CPSF2: variants seen among roughly 807,000 people sequenced by gnomAD.
CPSF2 encodes cleavage and polyadenylation specificity factor subunit 2.
In CPSF2, 51 loss-of-function variants were observed where a neutral mutation model predicts 84.2. That is an observed-to-expected ratio of 0.61 (90% confidence interval 0.48 to 0.77). The LOEUF (loss-of-function observed/expected upper bound fraction) is 0.77, where lower values mean the gene tolerates loss of function less well. CPSF2 is among the 30% of genes least tolerant of loss of function. CPSF2 has a pLI of 0.00. For missense variants in CPSF2, 641 were observed against 929.4 expected, an observed-to-expected ratio of 0.69 and a Z score of 4.03; for synonymous variants, 286 against 311.9, an observed-to-expected ratio of 0.92 and a Z score of 0.87.
rs936559919 is a variant in CPSF2 at position 92,166,323 on chromosome 14, T to C, written c.*4579T>C. On this transcript the variant is annotated 3_prime_UTR_variant, in exon 16 of 16. Coordinates refer to ENST00000298875, the MANE Select transcript of CPSF2 (RefSeq NM_017437.3). ...GTTTAGGCTCTTATCATTAGGTCTT[T>C]CATTTATTTTGAATTATTATCATTA... 6.6e-6 allele frequency: 1 copy of C among 152,106 alleles called. No homozygotes were observed. The highest frequency in any genetic ancestry group is 1.5e-5 in the Non-Finnish European group (1 of 68,028). The allele number at this position is 152,106 out of a possible 1,614,324, so 9.4% of individuals were successfully genotyped here.
chr14:92,140,913 CAACA>C (rs1595057620), intron 7 of CPSF2, among the ~76,000 whole-genome samples: 3 of 151,766 alleles, frequency 2.0e-5, no homozygotes, highest in Admixed American at 6.6e-5. Flanking sequence ...GACCCTGTCT[CAACA>C]AACAAACAAA....
At chr14:92,142,906 G>A (rs542878494) in intron 8 of CPSF2, 98 bp from the exon 9 acceptor site, 1 of 1,042,516 alleles carries the variant, frequency 9.6e-7, no homozygotes, top group Admixed American at 2.4e-5. Context: ...GCAACCAGTG[G>A]GGGTAAAAGA....
intron 9 of CPSF2, among the ~76,000 whole-genome samples, chr14:92,146,443 C>T (rs903101966): frequency 2.0e-5 from 3 of 152,166 alleles, no homozygotes; most frequent in Admixed American, 6.5e-5. Context: ...ATCGCTTGAA[C>T]CTGAGAGGTG....
At chr14:92,147,141 C>A (rs992458685) in intron 9 of CPSF2, among the ~76,000 whole-genome samples, 1 of 152,000 alleles carries the variant, frequency 6.6e-6, no homozygotes, top group African/African-American at 2.4e-5. Context: ...TTTTGGTATC[C>A]CTAGCACCCA....
At chr14:92,146,248 G>T (rs989170059) in intron 9 of CPSF2, among the ~76,000 whole-genome samples, 1 of 152,234 alleles carries the variant, frequency 6.6e-6, no homozygotes, top group Non-Finnish European at 1.5e-5. Flanking sequence ...AGGGCTGGGC[G>T]TGGTGGCTCA....
intron 9 of CPSF2, among the ~76,000 whole-genome samples, chr14:92,143,952 C>T (rs977459123): frequency 1.2e-4 from 18 of 152,120 alleles, no homozygotes; most frequent in African/African-American, 1.7e-4. Context: ...TAATTTAAAT[C>T]AGACTCTTTC....
rs539663614 is a variant in CPSF2 at position 92,162,506 on chromosome 14, G to C, written c.*762G>C. ...TTAGAAACATCTTAGCCGTAAGTTA[G>C]GTCCTGTGTTAAACTGTTTAGTGCT... On this transcript the variant is annotated 3_prime_UTR_variant, in exon 16 of 16. Transcript: ENST00000298875. The C allele has an allele frequency of 6.6e-6, 1 of 152,378 alleles. No individual in the cohort carries two copies. The highest frequency in any genetic ancestry group is 1.5e-5 in the Non-Finnish European group (1 of 68,014). The allele number at this position is 152,378 out of a possible 1,614,324, so 9.4% of individuals were successfully genotyped here. A position where few individuals can be genotyped will look rare whatever the true frequency, so the allele number is the denominator to read the frequency against.
In CPSF2 at chr14:92,133,942, A is replaced by C. The variant is rs371125586; in HGVS notation, c.150-69A>C. 1.3e-5 allele frequency: 19 copies of C among 1,518,854 alleles called. No homozygotes were observed. In the African/African-American group the frequency reaches 2.1e-4, roughly 16 times the overall value. 94.1% of individuals were successfully genotyped at this position (1,518,854 alleles called of 1,614,324 possible). A position where few individuals can be genotyped will look rare whatever the true frequency, so the allele number is the denominator to read the frequency against. ...AGTCTTCAATCCAGAATTGGTGAAT[A>C]ATTTTGAATATTCTGTCTTTACCCT... On this transcript the variant is annotated intron_variant, in intron 3 of 15. Transcript: ENST00000298875.
At chr14:92,143,549 A>G (rs972310950) in intron 9 of CPSF2, among the ~76,000 whole-genome samples, 2 of 152,088 alleles carry the variant, frequency 1.3e-5, no homozygotes, top group Non-Finnish European at 2.9e-5. Flanking sequence ...TCTCTTAAAA[A>G]AAAACTACTG....
chr14:92,137,501 A>T (rs1452311216), intron 6 of CPSF2, among the ~76,000 whole-genome samples: 1 of 152,186 alleles, frequency 6.6e-6, no homozygotes, highest in Non-Finnish European at 1.5e-5. Context: ...GAGCCACTGC[A>T]CTAGTCCAAA....
intron 9 of CPSF2, among the ~76,000 whole-genome samples, chr14:92,150,385 G>A (rs1367863949): frequency 1.3e-5 from 2 of 151,592 alleles, no homozygotes; most frequent in African/African-American, 4.8e-5. Context: ...GCCTCCCAAA[G>A]TGTTGGGATT....
At chr14:92,148,748 G>A (rs2069173839) in intron 9 of CPSF2, among the ~76,000 whole-genome samples, 1 of 148,660 alleles carries the variant, frequency 6.7e-6, no homozygotes, top group Non-Finnish European at 1.5e-5. Flanking sequence ...GGCAAGCCTG[G>A]GCGATATAGC....
At chr14:92,123,133 ATTT>A (rs2141444872) in intron 1 of CPSF2, among the ~76,000 whole-genome samples, 1 of 152,022 alleles carries the variant, frequency 6.6e-6, no homozygotes, top group African/African-American at 2.4e-5. Context: ...CACGGTAATT[ATTT>A]TTTATTTTTG....
intron 7 of CPSF2, among the ~76,000 whole-genome samples, chr14:92,139,071 C>CAT (rs1443522843): frequency 6.6e-6 from 1 of 152,130 alleles, no homozygotes; most frequent in Admixed American, 6.6e-5. Flanking sequence ...CACTCACTGG[C>CAT]ATATGTCTGT....
rs944349696 is a variant in CPSF2, at chr14:92,165,047, G to C, written c.*3303G>C. 6.6e-6 allele frequency: 1 copy of C among 152,096 alleles called. No individual in the cohort carries two copies. The highest frequency in any genetic ancestry group is 2.4e-5 in the African/African-American group (1 of 41,404). 9.4% of individuals were successfully genotyped at this position (152,096 alleles called of 1,614,324 possible). A position where few individuals can be genotyped will look rare whatever the true frequency, so the allele number is the denominator to read the frequency against. ...ATACAATATATGAACTTTTATGTTT[G>C]ACTTCTTTCACTTAGCATAATGTTT... On this transcript the variant is annotated 3_prime_UTR_variant, in exon 16 of 16. Coordinates refer to ENST00000298875, the MANE Select transcript of CPSF2 (RefSeq NM_017437.3).
At chr14:92,142,619 G>A (rs898811182) in intron 8 of CPSF2, among the ~76,000 whole-genome samples, 1 of 152,126 alleles carries the variant, frequency 6.6e-6, no homozygotes, top group Non-Finnish European at 1.5e-5. Context: ...ATCCCAGTCT[G>A]TAAAATGGGG....
rs2069305943 is a variant in CPSF2, at chr14:92,157,535, T to C, written c.1596-124T>C. ...AAAATAAAAACAAAAATAAAATAAA[T>C]CATACAGATACTATAACATGTGTAT... On this transcript the variant is annotated intron_variant, in intron 12 of 15. Transcript: ENST00000298875. This position sits in a 1 kb window ranked among gnomAD's most constrained non-coding sequence, Gnocchi z 4.0. 1 of 656,294 alleles carries C rather than the reference T, an allele frequency of 1.5e-6. No homozygotes were observed. The highest frequency in any genetic ancestry group is 3.0e-5 in the Admixed American group (1 of 32,936). The allele number at this position is 656,294 out of a possible 1,614,324, so 40.7% of individuals were successfully genotyped here.
At chr14:92,130,260 T>G (rs1595050538) in intron 2 of CPSF2, among the ~76,000 whole-genome samples, 2 of 152,212 alleles carry the variant, frequency 1.3e-5, no homozygotes, top group South Asian at 4.2e-4. Context: ...GTATATGTAC[T>G]CTTGTTTTTT....
rs1380043012 is a variant in CPSF2 at position 92,131,053 on chromosome 14, C to T, written c.69C>T (p.Leu23=). 6.2e-7 allele frequency: 1 copy of T among 1,612,718 alleles called. No homozygotes were observed. ...VQEESALCYL[L]QVDEFRFLLD... ...AAGAATCTGCCCTTTGCTATCTTCT[C>T]CAAGTTGATGAGTTTAGATTTTTAT... is the stretch of plus-strand genomic sequence containing the variant. Residue 23 remains leucine, a synonymous_variant, in exon 3 of 16, where the codon CTC becomes CTT. Coordinates refer to ENST00000298875, the MANE Select transcript of CPSF2 (RefSeq NM_017437.3).
Sources: allele counts gnomAD v4.1 joint callset (sites outside exome capture counted in the v4.1 genomes callset), GRCh38; gene constraint gnomAD v4.1.1; non-coding constraint Gnocchi (gnomAD v3.1); transcripts MANE v1.5; gene names NCBI Gene and HGNC (gene_info 2026-07-23, HGNC 2026-07-21).